Variants in R3HCC1 observed in about 807,000 individuals in gnomAD.
The protein encoded by R3HCC1 is R3H and coiled-coil domain-containing protein 1.
A neutral mutation model predicts 40.0 loss-of-function variants in R3HCC1; 32 were observed. The ratio of observed to expected loss-of-function variants is 0.80; its 90% CI spans 0.60 to 1.07. The LOEUF is 1.07. R3HCC1 is among the 50% of genes least tolerant of loss of function. R3HCC1 has a pLI of 0.00. For synonymous variants in R3HCC1, 237 were observed against 232.8 expected (o/e 1.02, Z -0.17); for missense variants, 586 against 563.3 (o/e 1.04, Z -0.41).
chr8:23,290,851 A>T (rs924881242), intron 4 of R3HCC1: 2 of 248,430 alleles, frequency 8.1e-6, no homozygotes, highest in African/African-American at 4.5e-5. Context: ...TTATCTTATA[A>T]ATCTTGTTTT....
chr8:23,293,462 T>G, intron 6 of R3HCC1, 89 bp downstream of exon 6: 2 of 1,037,174 alleles, frequency 1.9e-6, no homozygotes, highest in Non-Finnish European at 2.9e-6. Context: ...CACCATCTCC[T>G]GGGCGCAGGC....
intron 1 of R3HCC1, 117 bp downstream of exon 1, chr8:23,288,274 G>A: frequency 1.8e-6 from 2 of 1,139,894 alleles, no homozygotes; most frequent in Non-Finnish European, 2.3e-6. Context: ...GCGCAGCGCA[G>A]GGTGTGGAGC....
chr8:23,288,710 C>A (rs1165066105), intron 2 of R3HCC1, 77 bp downstream of exon 2: 6 of 1,500,966 alleles, frequency 4.0e-6, no homozygotes, highest in Non-Finnish European at 5.4e-6. Flanking sequence ...TGCCCTCCCC[C>A]AGGTGGTGCC....
rs1348492966 is a variant in R3HCC1 at position 23,288,553 on chromosome 8, C to T, written c.30C>T (p.Phe10=). ...CCCTTCTCTGCTTGGATGGTGTCTT[C>T]CTCTCCTCAGCCGAGAATGACTTCG... The change falls in exon 2 of 8, where the codon TTC becomes TTT. Residue 10 remains phenylalanine (F), a synonymous_variant. Coordinates refer to ENST00000265806, the MANE Select transcript of R3HCC1 (RefSeq NM_001136108.3). 3.9e-6 allele frequency: 6 copies of T among 1,535,998 alleles called. No individual in the cohort carries two copies. Among genetic ancestry groups the T allele is most frequent in the Non-Finnish European group, 5.2e-6 (6 of 1,146,856 alleles).
chr8:23,293,293 C>A lies in R3HCC1; in HGVS notation c.1026-10C>A. 6.5e-7 allele frequency: 1 copy of A among 1,550,108 alleles called. No homozygotes were observed. The highest frequency in any genetic ancestry group is 2.4e-5 in the East Asian group (1 of 40,876). On this transcript the variant is annotated splice_polypyrimidine_tract_variant and intron_variant, in intron 5 of 7. Transcript: ENST00000265806. The stretch of plus-strand genomic sequence containing the variant: ...TTCCTGAATGTGCTGTCTCCTCTCT[C>A]GCCGCACAGAGAGAAGGGGTTCAGG...
rs1476130696 is a variant in R3HCC1, at chr8:23,288,112, G to A, written c.-64G>A. 7.9e-7 allele frequency: 1 copy of A among 1,264,702 alleles called. No homozygotes were observed. Among genetic ancestry groups the A allele is most frequent in the South Asian group, 1.3e-5 (1 of 78,168 alleles). 78.3% of individuals were successfully genotyped at this position (1,264,702 alleles called of 1,614,324 possible). ...CTCTCTAGGGCGCTCGGGCGCGCTG[G>A]CCCCTGGGGACGCCGAGGGCGGCTG... On this transcript the variant is annotated 5_prime_UTR_variant, in exon 1 of 8. Transcript: ENST00000265806.
In R3HCC1 at chr8:23,295,382, C is replaced by T. The variant is rs547202879; in HGVS notation, c.1192+518C>T. 47 of 436,992 alleles carry T rather than the reference C, an allele frequency of 1.1e-4. No individual in the cohort carries two copies. The Middle Eastern group carries it at 3.1e-3, about 28-fold the overall frequency. 27.1% of individuals were successfully genotyped at this position (436,992 alleles called of 1,614,324 possible). On this transcript the variant is annotated intron_variant, in intron 7 of 7. Coordinates refer to ENST00000265806, the MANE Select transcript of R3HCC1 (RefSeq NM_001136108.3). ...AAGGATTGAATGAGAGCCTGGCATA[C>T]CTGCCTGGAGCCCTGAGGGCACATA...
intron 7 of R3HCC1, 59 bp downstream of exon 7, chr8:23,294,923 ATG>A (rs371962059): frequency 1.3e-4 from 156 of 1,213,438 alleles, no homozygotes; most frequent in Middle Eastern, 3.9e-4. Flanking sequence ...GCGTGCGAGC[ATG>A]TGTGTGTGTG....
chr8:23,288,119 G>C lies in R3HCC1; in HGVS notation c.-57G>C. On this transcript the variant is annotated 5_prime_UTR_variant, in exon 1 of 8. Transcript: ENST00000265806. ...GGGCGCTCGGGCGCGCTGGCCCCTG[G>C]GGACGCCGAGGGCGGCTGCGACGCG... The C allele has an allele frequency of 7.9e-7, 1 of 1,260,708 alleles. No individual in the cohort carries two copies. The highest frequency in any genetic ancestry group is 1.0e-6 in the Non-Finnish European group (1 of 976,232). The allele number at this position is 1,260,708 out of a possible 1,614,324, so 78.1% of individuals were successfully genotyped here.
In R3HCC1 at chr8:23,290,244, C is replaced by A; in HGVS notation, c.627C>A (p.Asp209Glu). The change falls in exon 4 of 8, where the codon GAC (aspartate) becomes GAA (glutamate). Residue 209 changes from aspartate (D) to glutamate (E), a missense_variant. Physicochemically the swap from Asp to Glu is conservative, Grantham distance 45 (BLOSUM62 2). Coordinates refer to ENST00000265806, the MANE Select transcript of R3HCC1 (RefSeq NM_001136108.3). ...GGTGTGAGAATGAGCCACTGCTGGA[C>A]CCTGTTGGCCCTGAGCCTCTGGGGC... 1 of 1,551,666 alleles carries A rather than the reference C, an allele frequency of 6.4e-7. No individual in the cohort carries two copies. The highest frequency in any genetic ancestry group is 2.0e-5 in the Admixed American group (1 of 51,004).
chr8:23,295,270 C>T (rs1057390933), intron 7 of R3HCC1, among the ~76,000 whole-genome samples: 6 of 152,148 alleles, frequency 3.9e-5, no homozygotes, highest in African/African-American at 1.4e-4. Flanking sequence ...CTGTCAGTTA[C>T]TTCAGTTGGT....
chr8:23,295,615 G>T, intron 7 of R3HCC1: 1 of 456,918 alleles, frequency 2.2e-6, no homozygotes, highest in Admixed American at 2.7e-5. Context: ...TAAATATCCT[G>T]TCCGTAGGTC....
rs1802861816 is a variant in R3HCC1, at chr8:23,291,354, C to G, written c.853-7C>G. On this transcript the variant is annotated splice_polypyrimidine_tract_variant and splice_region_variant and intron_variant, in intron 4 of 7. Transcript: ENST00000265806. ...GCTCCCCTTGCTAAGGGTCCGATCT[C>G]TCCTAGATCACAGACAACCTGACGA... The G allele has an allele frequency of 1.3e-6, 2 of 1,551,508 alleles. No homozygotes were observed. Among genetic ancestry groups the G allele is most frequent in the Non-Finnish European group, 1.7e-6 (2 of 1,146,768 alleles).
chr8:23,294,897 CTGTGTG>C, intron 7 of R3HCC1, 33 bp downstream of exon 7: 1 of 1,374,474 alleles, frequency 7.3e-7, no homozygotes, highest in African/African-American at 1.5e-5. Context: ...AATAGGGAGG[CTGTGTG>C]TGTGTGTGTG....
chr8:23,293,434 G>A, intron 6 of R3HCC1, 61 bp downstream of exon 6: 1 of 1,333,366 alleles, frequency 7.5e-7, no homozygotes, highest in African/African-American at 1.4e-5. Context: ...GAGGACCCTT[G>A]GTTCCCTGGG....
intron 7 of R3HCC1, chr8:23,295,348 T>A: frequency 2.5e-6 from 1 of 397,136 alleles, no homozygotes; most frequent in Non-Finnish European, 5.0e-6. Flanking sequence ...AAGCAGACTC[T>A]TCAGTCTGAA....
At chr8:23,295,895 G>T in intron 7 of R3HCC1, 72 bp from the exon 8 acceptor site, 1 of 1,483,912 alleles carries the variant, frequency 6.7e-7, no homozygotes, top group Non-Finnish European at 9.0e-7. Flanking sequence ...GGCTTGTACG[G>T]CTGCTGTGTT....
intron 6 of R3HCC1, among the ~76,000 whole-genome samples, 199 bp from the exon 7 acceptor site, chr8:23,294,570 C>T (rs1802946935): frequency 6.6e-6 from 1 of 152,204 alleles, no homozygotes; most frequent in East Asian, 1.9e-4. Context: ...GCGCAGGTGT[C>T]CCTGTGCGGG....
intron 7 of R3HCC1, chr8:23,295,458 G>GT (rs999545115): frequency 1.1e-5 from 5 of 457,038 alleles, no homozygotes; most frequent in Non-Finnish European, 1.8e-5. Flanking sequence ...TCTACTTCCA[G>GT]AAACCATGGT....
Sources: gnomAD v4.1 joint callset for allele counts (sites outside exome capture counted in the v4.1 genomes callset) on GRCh38, gnomAD v4.1.1 for gene constraint, MANE v1.5 for transcripts, NCBI Gene and HGNC (gene_info 2026-07-23, HGNC 2026-07-21) for gene names.